Variants in KIF6 observed in about 807,000 individuals in gnomAD.
KIF6 encodes kinesin family member 6, also known as kinesin-like protein KIF6.
Under a neutral mutation model 112.7 loss-of-function variants are expected in KIF6, and 106 were observed. The observed-to-expected ratio is 0.94, with a 90% CI of 0.80 to 1.11. KIF6 has a LOEUF of 1.11. Ranked by LOEUF, KIF6 falls within the 50% of genes least tolerant of loss-of-function variation. The probability of loss-of-function intolerance (pLI) is 0.00; values close to 1 mark genes in which losing one functional copy is unlikely to be tolerated. For synonymous variants in KIF6, 339 were observed against 339.9 expected (o/e 1.00, Z 0.03); for missense variants, 929 against 964.0 (o/e 0.96, Z 0.48).
At chr6:39,466,701 G>C (rs1436386468) in intron 13 of KIF6, among the ~76,000 whole-genome samples, 1 of 152,006 alleles carries the variant, frequency 6.6e-6, no homozygotes, top group Non-Finnish European at 1.5e-5. Context: ...GGAAAAGCAG[G>C]CCACCCACAT....
intron 13 of KIF6, among the ~76,000 whole-genome samples, chr6:39,443,493 G>T (rs1251652800): frequency 6.6e-6 from 1 of 151,820 alleles, no homozygotes; most frequent in Non-Finnish European, 1.5e-5. Context: ...GCCCAGGCTG[G>T]AGTAGAGTGG....
intron 3 of KIF6, among the ~76,000 whole-genome samples, chr6:39,665,378 GT>G (rs1786407354): frequency 1.3e-5 from 2 of 152,168 alleles, no homozygotes; most frequent in African/African-American, 2.4e-5. Context: ...AGTCAATGTG[GT>G]GACAATGCAC....
At chr6:39,583,989 AT>A (rs1280946825) in intron 9 of KIF6, among the ~76,000 whole-genome samples, 2 of 152,252 alleles carry the variant, frequency 1.3e-5, no homozygotes, top group Middle Eastern at 3.4e-3. Context: ...ATTTACTGTT[AT>A]AAAACTAGAA....
At chr6:39,576,292 T>C (rs536109235) in intron 10 of KIF6, among the ~76,000 whole-genome samples, 4 of 152,042 alleles carry the variant, frequency 2.6e-5, no homozygotes, top group African/African-American at 9.6e-5. Flanking sequence ...ACCCGGCTAA[T>C]TTTGTATTTT....
intron 10 of KIF6, among the ~76,000 whole-genome samples, chr6:39,567,789 A>T (rs1366417352): frequency 1.3e-5 from 2 of 152,016 alleles, no homozygotes; most frequent in Non-Finnish European, 2.9e-5. Flanking sequence ...TTGTATTTTT[A>T]GTACAGACGG....
At chr6:39,717,358 C>T (rs1278047121) in intron 2 of KIF6, among the ~76,000 whole-genome samples, 4 of 152,126 alleles carry the variant, frequency 2.6e-5, no homozygotes, top group Non-Finnish European at 5.9e-5. Flanking sequence ...TCAAACATGC[C>T]GGGCGTTCTC....
chr6:39,362,565 G>C (rs758832043), intron 16 of KIF6, 47 bp from the exon 17 acceptor site: 1 of 1,354,060 alleles, frequency 7.4e-7, no homozygotes, highest in Non-Finnish European at 1.1e-6. Flanking sequence ...AAGGGTAAAA[G>C]GAAGAGTGTG....
chr6:39,590,457 T>A (rs1416608292), intron 7 of KIF6, among the ~76,000 whole-genome samples: 4 of 142,988 alleles, frequency 2.8e-5, no homozygotes, highest in African/African-American at 1.0e-4. Context: ...ATATATTTTT[T>A]TTTTTTTTTT....
intron 10 of KIF6, among the ~76,000 whole-genome samples, chr6:39,563,653 T>C (rs1013276427): frequency 2.6e-5 from 4 of 152,148 alleles, no homozygotes; most frequent in African/African-American, 9.7e-5. Flanking sequence ...TTTCTAGAAG[T>C]AAAATTGCTG....
At chr6:39,425,217 T>A (rs1027810883) in intron 14 of KIF6, among the ~76,000 whole-genome samples, 1 of 152,186 alleles carries the variant, frequency 6.6e-6, no homozygotes, top group Non-Finnish European at 1.5e-5. Flanking sequence ...CCAATATGTG[T>A]TTGAGGGCAA....
intron 4 of KIF6, 92 bp downstream of exon 4, chr6:39,639,518 A>C (rs942459008): frequency 2.0e-5 from 21 of 1,069,908 alleles, no homozygotes; most frequent in Admixed American, 3.2e-5. Flanking sequence ...ATTTAGACAC[A>C]ATAAAATACA....
At position 39,714,677 on chromosome 6, in the gene KIF6, T is replaced by C. The variant is rs1200998543; in HGVS notation, c.251+15A>G. 13 of 1,604,388 alleles carry C rather than the reference T, an allele frequency of 8.1e-6. No individual in the cohort carries two copies. The highest frequency in any genetic ancestry group is 2.7e-5 in the African/African-American group (2 of 74,702). On this transcript the variant is annotated intron_variant, in intron 3 of 22. Transcript: ENST00000287152. ...AAAACCACGAGCCCACTGAACAAAA[T>C]ATGGGAAATCCTACCTCCCAGCAAC...
intron 13 of KIF6, among the ~76,000 whole-genome samples, chr6:39,453,915 C>T (rs1170557861): frequency 6.6e-6 from 1 of 152,178 alleles, no homozygotes; most frequent in Non-Finnish European, 1.5e-5. Context: ...TTCTGAGCCT[C>T]CCTTACTGAC....
In KIF6 at chr6:39,654,504, C is replaced by T. The variant is rs375959649; in HGVS notation, c.252-14747G>A. Among the ~76,000 whole-genome samples, 9 of 152,284 alleles carry T rather than the reference C, an allele frequency of 5.9e-5. No individual in the cohort carries two copies. In the East Asian group the frequency reaches 1.3e-3, roughly 23 times the overall value. On this transcript the variant is annotated intron_variant, in intron 3 of 22. Transcript: ENST00000287152. ...ACTTCTCCCTTCATATTAATTGCTC[C>T]TCCTTAGAAAATAAACAGGCTCAAG...
intron 13 of KIF6, among the ~76,000 whole-genome samples, chr6:39,502,516 G>A (rs544258735): frequency 6.6e-6 from 1 of 152,072 alleles, no homozygotes; most frequent in Admixed American, 6.5e-5. Context: ...AGTGCAAATG[G>A]GCTAAATGCC....
At chr6:39,347,069 C>T (rs985080291) in intron 19 of KIF6, among the ~76,000 whole-genome samples, 2 of 152,222 alleles carry the variant, frequency 1.3e-5, no homozygotes, top group Admixed American at 1.3e-4. Flanking sequence ...CTGCAAATAT[C>T]ATGCCATTTA....
chr6:39,372,204 G>A (rs1035377311), intron 16 of KIF6, among the ~76,000 whole-genome samples: 3 of 151,700 alleles, frequency 2.0e-5, no homozygotes, highest in Non-Finnish European at 2.9e-5. Flanking sequence ...TTATGGGGTT[G>A]ATCAATTTCC....
At chr6:39,611,386 AG>A (rs1315110207) in intron 6 of KIF6, among the ~76,000 whole-genome samples, 1 of 152,226 alleles carries the variant, frequency 6.6e-6, no homozygotes, top group Admixed American at 6.5e-5. Flanking sequence ...AGTTTCACAA[AG>A]GAATTTCCTT....
At chr6:39,563,614 A>T (rs1780127487) in intron 10 of KIF6, among the ~76,000 whole-genome samples, 2 of 152,214 alleles carry the variant, frequency 1.3e-5, no homozygotes, top group South Asian at 4.1e-4. Flanking sequence ...TGTGATAAAT[A>T]TCTTTGTATC....
Sources: gnomAD v4.1 joint callset for allele counts (sites outside exome capture counted in the v4.1 genomes callset) on GRCh38, gnomAD v4.1.1 for gene constraint, MANE v1.5 for transcripts, NCBI Gene and HGNC (gene_info 2026-07-23, HGNC 2026-07-21) for gene names.